The following ENTPD2 variants were observed in gnomAD, a reference collection of about 807,000 sequenced individuals.
ENTPD2 encodes CD39 antigen-like 1.
Under a neutral mutation model 46.8 loss-of-function variants are expected in ENTPD2, and 48 were observed. That is an observed-to-expected ratio of 1.03 (90% confidence interval 0.81 to 1.30). The LOEUF is 1.30. Ranked by LOEUF, ENTPD2 falls within the 50% of genes most tolerant of loss-of-function variation. ENTPD2 has a pLI of 0.00. For missense variants in ENTPD2, 707 were observed against 651.1 expected (o/e 1.09, Z -0.93); for synonymous variants, 316 against 286.1 (o/e 1.10, Z -1.06).
In ENTPD2 at chr9:137,051,080, G is replaced by GC; in HGVS notation, c.595dup (p.Ala199GlyfsTer14). 1 of 1,612,800 alleles carries GC rather than the reference G, an allele frequency of 6.2e-7. No individual in the cohort carries two copies. The highest frequency in any genetic ancestry group is 8.5e-7 in the Non-Finnish European group (1 of 1,179,996). ...GGTAGAGGCACCCCCCAGGTCCATG[G>GC]CCCCCAGTGTCCCCTTCCGTGGCCG... On this transcript the variant is annotated frameshift_variant, in exon 5 of 9. Coordinates refer to ENST00000355097, the MANE Select transcript of ENTPD2 (RefSeq NM_203468.3). LOFTEE classifies it high-confidence loss of function.
intron 7 of ENTPD2, 38 bp from the exon 8 acceptor site, chr9:137,049,113 C>T: frequency 6.5e-7 from 1 of 1,531,514 alleles, no homozygotes; most frequent in East Asian, 2.5e-5. Context: ...CAGGCGACCA[C>T]CAGGAGGTCT....
chr9:137,053,624 C>T (rs1832344454), intron 1 of ENTPD2, among the ~76,000 whole-genome samples: 1 of 152,208 alleles, frequency 6.6e-6, no homozygotes, highest in South Asian at 2.1e-4. Flanking sequence ...TTGACGGACT[C>T]GGCGGCGGGC....
chr9:137,048,996 C>T lies in ENTPD2; in HGVS notation c.1229G>A (p.Ser410Asn), dbSNP rs1832201982. The T allele has an allele frequency of 1.3e-6, 2 of 1,537,602 alleles. No individual in the cohort carries two copies. Among genetic ancestry groups the T allele is most frequent in the East Asian group, 2.5e-5 (1 of 40,648 alleles). ...AGAMFVQQLL[S>N]RGYGFDERAF... is the part of the protein sequence containing the mutation. ...GCGCTCGTCGAAGCCGTAGCCGCGA[C>T]TCAGCAGCTGCTGCACGAACATGGC... The change falls in exon 8 of 9, where the codon AGT becomes AAT. Residue 410 changes from serine to asparagine, a missense_variant. Coordinates refer to ENST00000355097, the MANE Select transcript of ENTPD2 (RefSeq NM_203468.3).
intron 3 of ENTPD2, 46 bp from the exon 4 acceptor site, chr9:137,051,416 G>C: frequency 6.5e-7 from 1 of 1,538,978 alleles, no homozygotes; most frequent in Non-Finnish European, 8.8e-7. Flanking sequence ...CCAGGTGGCT[G>C]TGAGCCTGCT....
Position 137,052,211 on chromosome 9 carries a change from T to A in ENTPD2, c.235+20A>T. On this transcript the variant is annotated intron_variant, in intron 2 of 8. Coordinates refer to ENST00000355097, the MANE Select transcript of ENTPD2 (RefSeq NM_203468.3). ...CCCTGCAGTGAGTGGGCGTCCTGGCTGGGCTGGGCTGGGCCTCACCTGGAA... is the reference window on the plus strand; with the variant it reads ...CCCTGCAGTGAGTGGGCGTCCTGGCAGGGCTGGGCTGGGCCTCACCTGGAA... The A allele has an allele frequency of 1.2e-6, 2 of 1,604,820 alleles. No individual in the cohort carries two copies. Among genetic ancestry groups the A allele is most frequent in the South Asian group, 1.1e-5 (1 of 90,786 alleles).
At chr9:137,049,624 A>G (rs112645859) in intron 7 of ENTPD2, 68 of 501,702 alleles carry the variant, frequency 1.4e-4, no homozygotes, top group African/African-American at 9.8e-4. Context: ...AAACCTGGGC[A>G]CCGGCCTCCC....
chr9:137,049,800 C>A, intron 7 of ENTPD2, 70 bp downstream of exon 7: 1 of 1,532,836 alleles, frequency 6.5e-7, no homozygotes, highest in Non-Finnish European at 8.8e-7. Context: ...CCATGCAGGG[C>A]TGGGGAGGCA....
chr9:137,049,808 G>A (rs1832221843), intron 7 of ENTPD2, 62 bp downstream of exon 7: 1 of 1,544,734 alleles, frequency 6.5e-7, no homozygotes, highest in Non-Finnish European at 8.8e-7. Flanking sequence ...GGCTGGGGAG[G>A]CATGCGGAGG....
chr9:137,054,039 A>G lies in ENTPD2; in HGVS notation c.-42T>C. The G allele has an allele frequency of 7.8e-6, 9 of 1,158,948 alleles. No homozygotes were observed. Among genetic ancestry groups the G allele is most frequent in the Non-Finnish European group, 8.6e-6 (8 of 934,086 alleles). The allele number at this position is 1,158,948 out of a possible 1,614,324, so 71.8% of individuals were successfully genotyped here. ...GGGAGGACGATGCGTGGACCCGGAG[A>G]GTGCGGGGAGCCGGAGGCGGAGGCG... On this transcript the variant is annotated 5_prime_UTR_variant, in exon 1 of 9. Coordinates refer to ENST00000355097, the MANE Select transcript of ENTPD2 (RefSeq NM_203468.3).
Position 137,051,282 on chromosome 9 carries a change from TGCGTG to T in ENTPD2, c.470_474del (p.Ala157AspfsTer54). Reference sequence around the variant, plus strand: ...ACCCCCTCTTCCTGGCCCGAGAGGATGCGTGCACCCCGGAAGTCAAAGGGGTACTG... The same window carrying T: ...ACCCCCTCTTCCTGGCCCGAGAGGATCACCCCGGAAGTCAAAGGGGTACTG... On this transcript the variant is annotated frameshift_variant, in exon 4 of 9. Transcript: ENST00000355097. LOFTEE classifies it high-confidence loss of function. The T allele has an allele frequency of 1.2e-6, 2 of 1,611,836 alleles. No homozygotes were observed. Among genetic ancestry groups the T allele is most frequent in the Non-Finnish European group, 1.7e-6 (2 of 1,179,240 alleles).
At position 137,051,073 on chromosome 9, in the gene ENTPD2, G is replaced by T. The variant is rs765730832; in HGVS notation, c.603C>A (p.Asp201Glu). The T allele has an allele frequency of 6.2e-7, 1 of 1,612,850 alleles. No homozygotes were observed. The highest frequency in any genetic ancestry group is 1.1e-5 in the South Asian group (1 of 91,084). ...RPRKGTLGAM[D>E]LGGASTQITF... ...TGATCTGGGTAGAGGCACCCCCCAG[G>T]TCCATGGCCCCCAGTGTCCCCTTCC... The change falls in exon 5 of 9, where the codon GAC (aspartate) becomes GAA (glutamate). Residue 201 changes from aspartate (D) to glutamate (E), a missense_variant. Transcript: ENST00000355097.
In ENTPD2 at chr9:137,050,497, G is replaced by A. The variant is rs1380684779; in HGVS notation, c.816C>T (p.Thr272=). 1 of 1,612,800 alleles carries A rather than the reference G, an allele frequency of 6.2e-7. No homozygotes were observed. The highest frequency in any genetic ancestry group is 1.1e-5 in the South Asian group (1 of 91,078). Residue 272 remains threonine, a synonymous_variant, in exon 6 of 9, where the codon ACC becomes ACT. Coordinates refer to ENST00000355097, the MANE Select transcript of ENTPD2 (RefSeq NM_203468.3). ...GGTACACATCCCCGAGCAGCACTTGGGTGGAAAAGCCCCTCGGCCAGCAGG... is the reference window on the plus strand; with the variant it reads ...GGTACACATCCCCGAGCAGCACTTGAGTGGAAAAGCCCCTCGGCCAGCAGG... The part of the protein sequence containing the change: ...FHPCWPRGFS[T]QVLLGDVYQS...
At position 137,048,673 on chromosome 9, in the gene ENTPD2, A is replaced by C. The variant is rs951121034; in HGVS notation, c.1472T>G (p.Leu491Arg). The part of the protein sequence containing the change: ...LLLRQVHSAK[L>R]PSTI ...CGTCGGCCCCTAAATGGTGCTTGGC[A>C]GCTTGGCGGAGTGCACCTGACGCAG... Residue 491 changes from leucine to arginine, a missense_variant, in exon 9 of 9, where the codon CTG (leucine) becomes CGG (arginine). Leu to Arg is a moderately radical substitution (Grantham distance 102). Coordinates refer to ENST00000355097, the MANE Select transcript of ENTPD2 (RefSeq NM_203468.3). The C allele has an allele frequency of 8.1e-6, 13 of 1,597,732 alleles. No individual in the cohort carries two copies. Among genetic ancestry groups the C allele is most frequent in the Non-Finnish European group, 1.0e-5 (12 of 1,173,510 alleles).
intron 2 of ENTPD2, 79 bp from the exon 3 acceptor site, chr9:137,051,739 G>A (rs894965499): frequency 1.4e-6 from 2 of 1,480,914 alleles, no homozygotes; most frequent in Admixed American, 2.5e-5. Context: ...GTGAGGGTGG[G>A]GGTGGGGGCC....
chr9:137,050,900 A>C lies in ENTPD2; in HGVS notation c.774+2T>G, dbSNP rs1207659395. ...TGCAGGTGAGCCAGGGTGGAGGGGC[A>C]CCTGGAGGGCGCTGGCCAGCAGCCT... On this transcript the variant is annotated splice_donor_variant, in intron 5 of 8. Transcript: ENST00000355097. LOFTEE classifies it high-confidence loss of function. 1 of 1,609,898 alleles carries C rather than the reference A, an allele frequency of 6.2e-7. No homozygotes were observed. The highest frequency in any genetic ancestry group is 8.5e-7 in the Non-Finnish European group (1 of 1,179,838).
At position 137,050,998 on chromosome 9, in the gene ENTPD2, C is replaced by G. The variant is rs145240352; in HGVS notation, c.678G>C (p.Leu226=). ...PAEDRASEVQ[L]HLYGQHYRVY... is the part of the protein sequence containing the mutation. ...CTCGGTAGTGCTGGCCGTAGAGATG[C>G]AGCTGGACCTCGCTGGCTCTGTCCT... Residue 226 remains leucine, a synonymous_variant, in exon 5 of 9, where the codon CTG becomes CTC. Transcript: ENST00000355097. 1 of 1,535,258 alleles carries G rather than the reference C, an allele frequency of 6.5e-7. No homozygotes were observed. The highest frequency in any genetic ancestry group is 8.8e-7 in the Non-Finnish European group (1 of 1,139,986).
intron 5 of ENTPD2, 149 bp downstream of exon 5, chr9:137,050,753 C>T (rs549413347): frequency 8.0e-7 from 1 of 1,255,070 alleles, no homozygotes; most frequent in Admixed American, 2.3e-5. Context: ...AGCCCAGCCA[C>T]TGGGCCTTTG....
rs781245560 is a variant in ENTPD2, at chr9:137,050,974, TCG to T, written c.700_701del (p.Arg234SerfsTer12). 4 of 1,540,420 alleles carry T rather than the reference TCG, an allele frequency of 2.6e-6. No homozygotes were observed. Among genetic ancestry groups the T allele is most frequent in the Non-Finnish European group, 3.5e-6 (4 of 1,144,854 alleles). On this transcript the variant is annotated frameshift_variant, in exon 5 of 9. Transcript: ENST00000355097. LOFTEE classifies it high-confidence loss of function. Reference protein sequence around the residue: ...VQLHLYGQHYRVYTHSFLCYG... With the variant: ...VQLHLYGQHYXVYTHSFLCYG... ...AGCAGAGGAAGCTGTGGGTGTAGAC[TCG>T]GTAGTGCTGGCCGTAGAGATGCAGC...
chr9:137,049,347 A>G, intron 7 of ENTPD2: 1 of 678,244 alleles, frequency 1.5e-6, no homozygotes, highest in Non-Finnish European at 2.7e-6. Flanking sequence ...AGCAGGAGGC[A>G]GCAACACCTT....
Sources: allele counts gnomAD v4.1 joint callset (sites outside exome capture counted in the v4.1 genomes callset), GRCh38; gene constraint gnomAD v4.1.1; transcripts MANE v1.5; gene names NCBI Gene and HGNC (gene_info 2026-07-23, HGNC 2026-07-21).